THTPA: variants seen among roughly 807,000 people sequenced by gnomAD.
The protein encoded by THTPA is thiamine triphosphatase, also known as thiamine-triphosphatase.
In THTPA, 16 loss-of-function variants were observed where a neutral mutation model predicts 16.5. The observed-to-expected ratio is 0.97, with a 90% CI of 0.66 to 1.47. THTPA has a LOEUF of 1.47. THTPA is among the 40% of genes most tolerant of loss of function. THTPA has a pLI of 0.00. For synonymous variants in THTPA, 110 were observed against 115.5 expected (o/e 0.95, Z 0.30); for missense variants, 281 against 280.9 (o/e 1.00, Z 0.00).
chr14:23,557,255 T>C lies in THTPA; in HGVS notation c.498T>C (p.Ala166=). 2 of 1,611,284 alleles carry C rather than the reference T, an allele frequency of 1.2e-6. No homozygotes were observed. The highest frequency in any genetic ancestry group is 1.7e-6 in the Non-Finnish European group (2 of 1,179,880). ...GEVEALVHEE[A]EVPTALEKIH... ...TAGAGGCCCTGGTGCATGAGGAGGC[T>C]GAAGTACCAACTGCCCTAGAGAAGA... Residue 166 remains alanine (A), a synonymous_variant, in exon 1 of 2, where the codon GCT becomes GCC. Transcript: ENST00000288014.
chr14:23,534,990 G>A, the THTPA span: 1 of 1,536,182 alleles, frequency 6.5e-7, no homozygotes, highest in Non-Finnish European at 8.7e-7. The surrounding 1 kb of genome is among the most constrained non-coding windows in gnomAD (Gnocchi z 4.5). Flanking sequence ...AGAATAAGTG[G>A]TTGCTTAGGT....
At chr14:23,551,005 G>T (rs1321340057), upstream of THTPA, among the ~76,000 whole-genome samples, 2 of 151,984 alleles carry the variant, frequency 1.3e-5, no homozygotes, top group East Asian at 3.9e-4. This position sits in a 1 kb window ranked among gnomAD's most constrained non-coding sequence, Gnocchi z 5.3. Flanking sequence ...ACTCGGCGCG[G>T]TCCGTCTAGG....
At chr14:23,556,237 G>C (rs1292296217), upstream of THTPA, 1 of 153,620 alleles carries the variant, frequency 6.5e-6, no homozygotes, top group Non-Finnish European at 1.4e-5. Context: ...GCGGAGGGTC[G>C]GGCCGAGGTC....
chr14:23,533,546 T>C, the THTPA span: 6 of 1,536,182 alleles, frequency 3.9e-6, no homozygotes, highest in Middle Eastern at 1.7e-4. The surrounding 1 kb of genome is among the most constrained non-coding windows in gnomAD (Gnocchi z 4.8). Flanking sequence ...ACATTCTGCA[T>C]GTGCTTCTCA....
At chr14:23,531,454 C>T in the THTPA span, 2 of 1,377,010 alleles carry the variant, frequency 1.5e-6, no homozygotes, top group East Asian at 5.5e-5. Context: ...CTGCCCAGCT[C>T]TTATTCTCCA....
upstream of THTPA, among the ~76,000 whole-genome samples, chr14:23,552,959 A>G (rs983437177): frequency 6.6e-6 from 1 of 152,196 alleles, no homozygotes; most frequent in Non-Finnish European, 1.5e-5. Flanking sequence ...GACAGTTCCA[A>G]GCACTTTTAC....
chr14:23,538,369 C>T, the THTPA span, among the ~76,000 whole-genome samples: 1 of 151,928 alleles, frequency 6.6e-6, no homozygotes, highest in African/African-American at 2.4e-5. Context: ...CCATCACCCA[C>T]TATTTATTAC....
chr14:23,533,987 G>C, the THTPA span: 3 of 1,537,542 alleles, frequency 2.0e-6, no homozygotes, highest in African/African-American at 4.1e-5. This position sits in a 1 kb window ranked among gnomAD's most constrained non-coding sequence, Gnocchi z 4.8. Context: ...CAGGAGTTGC[G>C]TGAGTGGAGC....
the THTPA span, among the ~76,000 whole-genome samples, chr14:23,529,233 G>C: frequency 1.3e-5 from 2 of 152,230 alleles, no homozygotes; most frequent in African/African-American, 4.8e-5. Context: ...GGCACATGCT[G>C]TCAGTGTGAA....
upstream of THTPA, chr14:23,551,600 G>T: frequency 6.5e-6 from 1 of 153,140 alleles, no homozygotes; most frequent in South Asian, 1.9e-4. This position sits in a 1 kb window ranked among gnomAD's most constrained non-coding sequence, Gnocchi z 5.3. Flanking sequence ...GTGTTTCCCC[G>T]GCTTCGTGAG....
At chr14:23,516,852 C>T in the THTPA span, among the ~76,000 whole-genome samples, 2 of 152,282 alleles carry the variant, frequency 1.3e-5, no homozygotes, top group East Asian at 3.9e-4. Context: ...AGACTTAGTG[C>T]AGGGTTTGGT....
At chr14:23,533,884 C>G in the THTPA span, 1 of 1,538,064 alleles carries the variant, frequency 6.5e-7, no homozygotes, top group East Asian at 2.4e-5. The surrounding 1 kb of genome is among the most constrained non-coding windows in gnomAD (Gnocchi z 4.8). Flanking sequence ...GCTGCAGTGA[C>G]TGTTGCTCTC....
At chr14:23,526,977 C>T in the THTPA span, 2 of 1,502,802 alleles carry the variant, frequency 1.3e-6, no homozygotes, top group Admixed American at 4.4e-5. Context: ...TTGTAGCCTG[C>T]AATGAGAAAA....
At chr14:23,519,033 C>A in the THTPA span, among the ~76,000 whole-genome samples, 1 of 152,170 alleles carries the variant, frequency 6.6e-6, no homozygotes, top group South Asian at 2.1e-4. Flanking sequence ...GGCTCTTTTG[C>A]CCCCAAATTC....
At chr14:23,540,235 C>T in the THTPA span, among the ~76,000 whole-genome samples, 1 of 152,230 alleles carries the variant, frequency 6.6e-6, no homozygotes, top group Non-Finnish European at 1.5e-5. Flanking sequence ...AAGCAATCTG[C>T]CCGCTTTGGC....
At chr14:23,529,626 A>AATT in the THTPA span, 1 of 1,329,804 alleles carries the variant, frequency 7.5e-7, no homozygotes, top group Non-Finnish European at 1.0e-6. Flanking sequence ...AGCATGACAA[A>AATT]ATTACGTCTG....
At chr14:23,553,321 C>G (rs933829492), upstream of THTPA, among the ~76,000 whole-genome samples, 10 of 152,184 alleles carry the variant, frequency 6.6e-5, no homozygotes, top group Non-Finnish European at 1.3e-4. Flanking sequence ...AGAGGCTGGC[C>G]GGGCATGGTG....
chr14:23,559,647 C>A lies in THTPA; in HGVS notation c.*807C>A. 2 of 1,067,824 alleles carry A rather than the reference C, an allele frequency of 1.9e-6. No homozygotes were observed. Among genetic ancestry groups the A allele is most frequent in the Admixed American group, 2.0e-5 (1 of 49,966 alleles). The allele number at this position is 1,067,824 out of a possible 1,614,324, so 66.1% of individuals were successfully genotyped here. On this transcript the variant is annotated 3_prime_UTR_variant, in exon 2 of 2. Transcript: ENST00000288014. ...GGTCCCCAGTTTTTGCAGTGCAAAGCCAGAGCGCCACCTGCTGGTAGCCCT... is the reference window on the plus strand; with the variant it reads ...GGTCCCCAGTTTTTGCAGTGCAAAGACAGAGCGCCACCTGCTGGTAGCCCT...
the THTPA span, chr14:23,543,429 T>C: frequency 6.6e-6 from 1 of 152,264 alleles, no homozygotes; most frequent in East Asian, 1.9e-4. Flanking sequence ...GGTATGCATT[T>C]TGAATGAGGT....
Sources: gnomAD v4.1 joint callset for allele counts (sites outside exome capture counted in the v4.1 genomes callset) on GRCh38, gnomAD v4.1.1 for gene constraint, Gnocchi (gnomAD v3.1) non-coding constraint, MANE v1.5 for transcripts, NCBI Gene and HGNC (gene_info 2026-07-23, HGNC 2026-07-21) for gene names.